Variants in ADGRG6 observed in about 807,000 individuals in gnomAD.
ADGRG6 encodes G-protein coupled receptor 126.
A neutral mutation model predicts 142.4 loss-of-function variants in ADGRG6; 84 were observed. The observed-to-expected ratio is 0.59, with a 90% CI of 0.49 to 0.71. The LOEUF is 0.71. Ranked by LOEUF, ADGRG6 falls within the 30% of genes least tolerant of loss-of-function variation. The probability of loss-of-function intolerance (pLI) is 0.00; values close to 1 mark genes in which losing one functional copy is unlikely to be tolerated. For synonymous variants in ADGRG6, 521 were observed against 520.5 expected (o/e 1.00, Z -0.01); for missense variants, 1,367 against 1,466.6 (o/e 0.93, Z 1.11).
chr6:142,383,696 G>T, intron 5 of ADGRG6, 64 bp from the exon 6 acceptor site: 5 of 768,786 alleles, frequency 6.5e-6, no homozygotes, highest in Middle Eastern at 2.4e-4. Flanking sequence ...ATTATAGATT[G>T]CTTATCCAAA....
chr6:142,324,891 G>A (rs1312859170), intron 2 of ADGRG6, among the ~76,000 whole-genome samples: 1 of 151,992 alleles, frequency 6.6e-6, no homozygotes. Context: ...TACTGCAACG[G>A]GAATGAAGTA....
intron 21 of ADGRG6, 58 bp from the exon 22 acceptor site, chr6:142,419,763 T>A (rs1174034692): frequency 1.5e-6 from 2 of 1,352,080 alleles, no homozygotes; most frequent in African/African-American, 2.9e-5. Context: ...AGAAAAGTCT[T>A]AGGTAAACAG....
At chr6:142,384,725 T>C (rs1781943933) in intron 6 of ADGRG6, among the ~76,000 whole-genome samples, 1 of 152,132 alleles carries the variant, frequency 6.6e-6, no homozygotes, top group Admixed American at 6.6e-5. Flanking sequence ...ACATCTGTAA[T>C]ATATCACCAG....
chr6:142,386,689 T>G (rs1436025860), intron 6 of ADGRG6, among the ~76,000 whole-genome samples: 3 of 152,224 alleles, frequency 2.0e-5, no homozygotes, highest in African/African-American at 7.2e-5. Flanking sequence ...TATGAATTTT[T>G]GTTTTACAGT....
At chr6:142,386,212 A>G (rs1263392754) in intron 6 of ADGRG6, among the ~76,000 whole-genome samples, 1 of 152,172 alleles carries the variant, frequency 6.6e-6, no homozygotes, top group Non-Finnish European at 1.5e-5. Context: ...GATACCTCAA[A>G]TTACACTAAG....
intron 2 of ADGRG6, among the ~76,000 whole-genome samples, chr6:142,334,357 G>A (rs964931104): frequency 6.6e-6 from 1 of 152,118 alleles, no homozygotes; most frequent in Non-Finnish European, 1.5e-5. Context: ...GTTAACACTA[G>A]GGAATCCAGG....
In ADGRG6 at chr6:142,355,199, A is replaced by AT. The variant is rs1391914522; in HGVS notation, c.104-12361dup. Among the ~76,000 whole-genome samples the AT allele has an allele frequency of 1.9e-3, 284 of 150,490 alleles. 1 individual carries two copies. Among genetic ancestry groups the AT allele is most frequent in the African/African-American group, 6.5e-3 (266 of 41,064 alleles). On this transcript the variant is annotated intron_variant, in intron 2 of 24. Coordinates refer to ENST00000367609, the MANE Select transcript of ADGRG6 (RefSeq NM_198569.3). ...ATTTATATTGAAATTCTAAATTGGC[A>AT]TTTTTTTTTGAAATTTCCCTTTCAA...
At chr6:142,419,431 C>T (rs1245180985) in intron 21 of ADGRG6, among the ~76,000 whole-genome samples, 1 of 152,150 alleles carries the variant, frequency 6.6e-6, no homozygotes, top group Non-Finnish European at 1.5e-5. Flanking sequence ...CGATGTCATA[C>T]AGCCACTCCT....
At chr6:142,360,569 G>C (rs573419171) in intron 2 of ADGRG6, among the ~76,000 whole-genome samples, 1 of 152,264 alleles carries the variant, frequency 6.6e-6, no homozygotes, top group South Asian at 2.1e-4. Context: ...ACTGGATGTG[G>C]AATGGCTGGA....
In ADGRG6 at chr6:142,444,907, A is replaced by G. The variant is rs1313128234; in HGVS notation, c.*1392A>G. 6.6e-6 allele frequency: 1 copy of G among 152,242 alleles called. No homozygotes were observed. The highest frequency in any genetic ancestry group is 2.4e-5 in the African/African-American group (1 of 41,460). The allele number at this position is 152,242 out of a possible 1,614,324, so 9.4% of individuals were successfully genotyped here. On this transcript the variant is annotated 3_prime_UTR_variant, in exon 25 of 25. Coordinates refer to ENST00000367609, the MANE Select transcript of ADGRG6 (RefSeq NM_198569.3). Reference sequence around the variant, plus strand: ...GAAGTATCAGGTTCTGGGAGGCAACAGCATTAAGTGATAAGAAAAGGAGAC... The same window carrying G: ...GAAGTATCAGGTTCTGGGAGGCAACGGCATTAAGTGATAAGAAAAGGAGAC...
rs1296436191 is a variant in ADGRG6 at position 142,443,625 on chromosome 6, A to C, written c.*110A>C. On this transcript the variant is annotated 3_prime_UTR_variant, in exon 25 of 25. Transcript: ENST00000367609. ...TTACCTAGGTAACTGCATATATATA[A>C]GGAATGTATTTTGTTAAGAAGGCTT... 1.1e-5 allele frequency: 7 copies of C among 633,438 alleles called. No individual in the cohort carries two copies. Among genetic ancestry groups the C allele is most frequent in the Non-Finnish European group, 1.6e-5 (6 of 376,884 alleles). 39.2% of individuals were successfully genotyped at this position (633,438 alleles called of 1,614,324 possible). A position where few individuals can be genotyped will look rare whatever the true frequency, so the allele number is the denominator to read the frequency against.
intron 6 of ADGRG6, 92 bp downstream of exon 6, chr6:142,383,935 C>T (rs1781901022): frequency 4.3e-6 from 3 of 691,186 alleles, no homozygotes; most frequent in Admixed American, 2.3e-5. Context: ...AACAAAGTGT[C>T]TGTTACTGGA....
chr6:142,413,937 A>ACAC (rs1582653563), intron 18 of ADGRG6, among the ~76,000 whole-genome samples: 4 of 149,250 alleles, frequency 2.7e-5, no homozygotes, highest in South Asian at 2.1e-4. Flanking sequence ...ACACACACAC[A>ACAC]ACTTAAGGCC....
At chr6:142,443,223 A>T (rs1414706194) in intron 24 of ADGRG6, 114 bp from the exon 25 acceptor site, 1 of 618,704 alleles carries the variant, frequency 1.6e-6, no homozygotes, top group Non-Finnish European at 2.8e-6. Context: ...AAAGAATCGG[A>T]GCTTTATTTT....
chr6:142,433,919 C>T (rs1356863732), intron 22 of ADGRG6, among the ~76,000 whole-genome samples: 1 of 152,046 alleles, frequency 6.6e-6, no homozygotes, highest in Non-Finnish European at 1.5e-5. Flanking sequence ...TGTGGTGGCA[C>T]ATGCCTATTG....
At chr6:142,370,927 T>TCTA in intron 4 of ADGRG6, 134 bp downstream of exon 4, 2 of 907,418 alleles carry the variant, frequency 2.2e-6, no homozygotes, top group Non-Finnish European at 3.3e-6. Flanking sequence ...TATATATATG[T>TCTA]TGTCATTAAA....
At chr6:142,427,634 G>T (rs1042497935) in intron 22 of ADGRG6, among the ~76,000 whole-genome samples, 1 of 152,062 alleles carries the variant, frequency 6.6e-6, no homozygotes, top group African/African-American at 2.4e-5. Context: ...CCAATTTACT[G>T]TATTAGTCTG....
intron 6 of ADGRG6, 23 bp from the exon 7 acceptor site, chr6:142,390,235 C>G (rs1172712755): frequency 8.3e-7 from 1 of 1,209,688 alleles, no homozygotes; most frequent in Non-Finnish European, 1.2e-6. Flanking sequence ...AATTAATGGA[C>G]TAATCCTATT....
intron 22 of ADGRG6, among the ~76,000 whole-genome samples, chr6:142,426,555 C>G (rs1319600281): frequency 6.6e-6 from 1 of 152,162 alleles, no homozygotes; most frequent in Non-Finnish European, 1.5e-5. Context: ...TCCAGGCACA[C>G]AGTGCAAGCT....
Sources: allele counts gnomAD v4.1 joint callset (sites outside exome capture counted in the v4.1 genomes callset), GRCh38; gene constraint gnomAD v4.1.1; transcripts MANE v1.5; gene names NCBI Gene and HGNC (gene_info 2026-07-23, HGNC 2026-07-21).